RORA: variants seen among roughly 807,000 people sequenced by gnomAD.
RORA encodes nuclear receptor ROR-alpha.
In RORA, 7 loss-of-function variants were observed where a neutral mutation model predicts 69.5. The observed-to-expected ratio is 0.10, with a 90% CI of 0.06 to 0.19. The LOEUF is 0.19. Ranked by LOEUF, RORA falls within the 10% of genes least tolerant of loss-of-function variation. RORA has a pLI of 1.00. For missense variants in RORA, 457 were observed against 663.0 expected (o/e 0.69, Z 3.41); for synonymous variants, 261 against 240.8 (o/e 1.08, Z -0.78).
At chr15:60,702,597 G>T (rs1256990014) in intron 1 of RORA, among the ~76,000 whole-genome samples, 6 of 152,076 alleles carry the variant, frequency 3.9e-5, no homozygotes, top group Non-Finnish European at 7.4e-5. Flanking sequence ...CTCCTTCAAG[G>T]GTATGTGAAT....
At chr15:60,822,342 C>T (rs1478337326) in intron 1 of RORA, among the ~76,000 whole-genome samples, 1 of 152,232 alleles carries the variant, frequency 6.6e-6, no homozygotes, top group African/African-American at 2.4e-5. Flanking sequence ...GCTCTCCTAA[C>T]TCCAGCTACA....
In RORA at chr15:60,526,417, C is replaced by T. The variant is rs140804230; in HGVS notation, c.282+5349G>A. On this transcript the variant is annotated intron_variant, in intron 3 of 10. Coordinates refer to ENST00000335670, the MANE Select transcript of RORA (RefSeq NM_134261.3). ...CAGGGCCCTATCTACAACATGGCTT[C>T]GAGCCAGGCGTTTTCTGTGAGCTGA... 4.3e-4 allele frequency among the ~76,000 whole-genome samples: 65 copies of T among 152,310 alleles called. 1 individual carries two copies. Among genetic ancestry groups the T allele is most frequent in the African/African-American group, 1.5e-3 (61 of 41,566 alleles).
rs187277671 is a variant in RORA, at chr15:60,705,807, T to G, written c.167-27121A>C. ...AATTTCTCTAAAGGGAAGTATAATCTATTTGCTTAATGATCCTACAAGGAG... is the reference window on the plus strand; with the variant it reads ...AATTTCTCTAAAGGGAAGTATAATCGATTTGCTTAATGATCCTACAAGGAG... On this transcript the variant is annotated intron_variant, in intron 1 of 10. Transcript: ENST00000335670. Among the ~76,000 whole-genome samples the G allele has an allele frequency of 3.9e-5, 6 of 152,364 alleles. No homozygotes were observed. The East Asian group carries it at 1.2e-3, about 29-fold the overall frequency.
chr15:60,643,988 T>C (rs2069991261), intron 2 of RORA, among the ~76,000 whole-genome samples: 1 of 152,098 alleles, frequency 6.6e-6, no homozygotes, highest in Admixed American at 6.5e-5. Context: ...GGAATGTCTG[T>C]GCATTTCTCT....
intron 2 of RORA, chr15:60,558,401 T>C (rs2067433918): frequency 1.4e-6 from 1 of 717,538 alleles, no homozygotes; most frequent in African/African-American, 1.8e-5. Context: ...GAACATCTCA[T>C]GACTTTTTTG....
rs923601402 is a variant in RORA, at chr15:61,159,039, T to C, written c.166+70014A>G. On this transcript the variant is annotated intron_variant, in intron 1 of 10. Transcript: ENST00000335670. ...AATAAATCGCAAGCATGGTGTAACA[T>C]ATATAAATATACAGCTAGACATAGG... Among the ~76,000 whole-genome samples, 5 of 152,286 alleles carry C rather than the reference T, an allele frequency of 3.3e-5. 1 individual carries two copies. The highest frequency in any genetic ancestry group is 3.4e-3 in the Middle Eastern group (1 of 294).
At chr15:60,969,979 C>G (rs899542532) in intron 1 of RORA, among the ~76,000 whole-genome samples, 1 of 152,156 alleles carries the variant, frequency 6.6e-6, no homozygotes, top group African/African-American at 2.4e-5. Flanking sequence ...CCAGAGAGCT[C>G]ATGTATGTGC....
chr15:60,873,992 T>C (rs1047902237), intron 1 of RORA, among the ~76,000 whole-genome samples: 15 of 152,240 alleles, frequency 9.9e-5, no homozygotes, highest in African/African-American at 3.4e-4. Context: ...AAATAACCTA[T>C]TTTTTTCAAT....
At chr15:60,947,260 A>G (rs28417211) in intron 1 of RORA, among the ~76,000 whole-genome samples, 3,037 of 152,322 alleles carry the variant, frequency 0.02, 101 homozygotes, top group African/African-American at 0.068. Context: ...AAAGGGGGAA[A>G]TGTGGGGAAA....
chr15:61,028,920 ATGGTGGTGGTGAGGG>A (rs531189308), intron 1 of RORA, among the ~76,000 whole-genome samples: 1 of 152,102 alleles, frequency 6.6e-6, no homozygotes. Flanking sequence ...AACAGGAGGG[ATGGTGGTGGTGAGGG>A]TGGTGGTGGC....
chr15:60,561,208 A>C (rs1292169296), intron 2 of RORA, among the ~76,000 whole-genome samples: 1 of 151,136 alleles, frequency 6.6e-6, no homozygotes, highest in African/African-American at 2.4e-5. Flanking sequence ...CAGCCTCCCG[A>C]GTAGCTGGGA....
At chr15:60,940,674 T>A (rs1892667558) in intron 1 of RORA, among the ~76,000 whole-genome samples, 1 of 152,212 alleles carries the variant, frequency 6.6e-6, no homozygotes, top group Non-Finnish European at 1.5e-5. Flanking sequence ...CAGCCTGTAA[T>A]CCCAGCAGTT....
chr15:60,838,850 ACACACAC>A lies in RORA; in HGVS notation c.167-160171_167-160165del, dbSNP rs1262708535. ...CCTTCAAAACATTCATTCAACACAC[ACACACAC>A]ACACACACACACACACACACACACA... On this transcript the variant is annotated intron_variant, in intron 1 of 10. Coordinates refer to ENST00000335670, the MANE Select transcript of RORA (RefSeq NM_134261.3). Among the ~76,000 whole-genome samples, 68 of 22,118 alleles carry A rather than the reference ACACACAC, an allele frequency of 3.1e-3. No individual in the cohort carries two copies. In the East Asian group the frequency reaches 0.18, roughly 57 times the overall value. The allele number at this position is 22,118 out of a possible 152,430, so 14.5% of individuals were successfully genotyped here. A position where few individuals can be genotyped will look rare whatever the true frequency, so the allele number is the denominator to read the frequency against.
In RORA at chr15:60,803,318, C is replaced by T. The variant is rs148150207; in HGVS notation, c.167-124632G>A. On this transcript the variant is annotated intron_variant, in intron 1 of 10. Coordinates refer to ENST00000335670, the MANE Select transcript of RORA (RefSeq NM_134261.3). ...AATGGTCCAGGCAAGGAAGAACCTACGCAATTCTTCACTCAGGGAAGGGGG... is the reference window on the plus strand; with the variant it reads ...AATGGTCCAGGCAAGGAAGAACCTATGCAATTCTTCACTCAGGGAAGGGGG... Among the ~76,000 whole-genome samples, 30 of 152,268 alleles carry T rather than the reference C, an allele frequency of 2.0e-4. No individual in the cohort carries two copies. The East Asian group carries it at 4.2e-3, about 22-fold the overall frequency.
At position 61,005,890 on chromosome 15, in the gene RORA, C is replaced by G. The variant is rs73436238; in HGVS notation, c.166+223163G>C. ...TGTGCCTTCCTCATGAATACAGATA[C>G]TCTGAAATGTTCATAGTCACCTCTT... On this transcript the variant is annotated intron_variant, in intron 1 of 10. Transcript: ENST00000335670. 2.5e-3 allele frequency among the ~76,000 whole-genome samples: 375 copies of G among 152,218 alleles called. 2 individuals carry two copies. Among genetic ancestry groups the G allele is most frequent in the African/African-American group, 8.4e-3 (349 of 41,512 alleles).
intron 2 of RORA, among the ~76,000 whole-genome samples, chr15:60,657,856 C>A (rs79849577): frequency 0.02 from 3,078 of 152,314 alleles, 113 homozygotes; most frequent in African/African-American, 0.07. Flanking sequence ...TCCTCCTTCA[C>A]TGCTCTTCAG....
chr15:60,773,718 C>T (rs544178923), intron 1 of RORA, among the ~76,000 whole-genome samples: 1 of 152,268 alleles, frequency 6.6e-6, no homozygotes, highest in East Asian at 1.9e-4. Context: ...CTCAAGAACT[C>T]AGGGGCAACT....
intron 1 of RORA, among the ~76,000 whole-genome samples, chr15:61,005,708 ATAAAG>A (rs1383391135): frequency 6.6e-6 from 1 of 152,202 alleles, no homozygotes; most frequent in Non-Finnish European, 1.5e-5. Context: ...CAACAACACA[ATAAAG>A]TATACACTAT....
At chr15:60,702,596 G>C (rs945718183) in intron 1 of RORA, among the ~76,000 whole-genome samples, 3 of 152,180 alleles carry the variant, frequency 2.0e-5, no homozygotes, top group Admixed American at 6.5e-5. Context: ...ACTCCTTCAA[G>C]GGTATGTGAA....
Sources: allele counts gnomAD v4.1 joint callset (sites outside exome capture counted in the v4.1 genomes callset), GRCh38; gene constraint gnomAD v4.1.1; transcripts MANE v1.5; gene names NCBI Gene and HGNC (gene_info 2026-07-23, HGNC 2026-07-21).